Variants in WDPCP observed in about 807,000 individuals in gnomAD.
The protein encoded by WDPCP is WD repeat containing planar cell polarity effector.
Under a neutral mutation model 93.1 loss-of-function variants are expected in WDPCP, and 71 were observed. That is an observed-to-expected ratio of 0.76 (90% CI 0.63 to 0.93). The LOEUF (loss-of-function observed/expected upper bound fraction) is 0.93. Ranked by LOEUF, WDPCP falls within the 40% of genes least tolerant of loss-of-function variation. The pLI is 0.00. For synonymous variants in WDPCP, 315 were observed against 315.0 expected (o/e 1.00, Z 0.00); for missense variants, 844 against 887.4 (o/e 0.95, Z 0.62).
chr2:63,217,723 G>T (rs1398222208), intron 14 of WDPCP, among the ~76,000 whole-genome samples: 1 of 152,126 alleles, frequency 6.6e-6, no homozygotes, highest in Non-Finnish European at 1.5e-5. Context: ...CACATTGATG[G>T]GTTTAGATGA....
At chr2:63,558,590 A>T (rs927891886) in intron 1 of WDPCP, among the ~76,000 whole-genome samples, 1 of 152,120 alleles carries the variant, frequency 6.6e-6, no homozygotes, top group Non-Finnish European at 1.5e-5. Context: ...AGAATAAAAA[A>T]TGATAAAGGG....
chr2:63,627,760 T>C lies in WDPCP; in HGVS notation n.488+22899A>G, dbSNP rs200212515. On this transcript the variant is annotated intron_variant and non_coding_transcript_variant, in intron 3 of 4. Coordinates refer to the WDPCP transcript ENST00000467687. ...CCTTTCCAGCTGAGCACCACTTCCA[T>C]CGGCAATAAAATCCTCTGCATTCAC... Among the ~76,000 whole-genome samples the C allele has an allele frequency of 3.3e-5, 5 of 152,238 alleles. No homozygotes were observed. In the East Asian group the frequency reaches 7.7e-4, roughly 24 times the overall value.
chr2:63,618,671 A>T (rs1187646096), intron 3 of WDPCP, among the ~76,000 whole-genome samples: 1 of 151,456 alleles, frequency 6.6e-6, no homozygotes, highest in African/African-American at 2.4e-5. Flanking sequence ...TGATAGAAGG[A>T]TAGAAGTGGG....
At chr2:63,227,076 A>G (rs975540953) in intron 14 of WDPCP, among the ~76,000 whole-genome samples, 7 of 151,912 alleles carry the variant, frequency 4.6e-5, no homozygotes, top group African/African-American at 1.7e-4. Flanking sequence ...TGTAGAAAAA[A>G]ATTTTCCTAA....
At chr2:63,603,655 C>CTTTTTTTT (rs11297982) in intron 3 of WDPCP, among the ~76,000 whole-genome samples, 2 of 99,112 alleles carry the variant, frequency 2.0e-5, no homozygotes, top group Non-Finnish European at 3.8e-5. Flanking sequence ...CAAGACATTT[C>CTTTTTTTT]TTTTTTTTTT....
intron 15 of WDPCP, among the ~76,000 whole-genome samples, chr2:63,166,692 T>C (rs1020875034): frequency 4.6e-5 from 7 of 152,204 alleles, no homozygotes; most frequent in Non-Finnish European, 8.8e-5. Flanking sequence ...CGTGCCTGGC[T>C]GTACATGAGA....
chr2:63,640,471 G>A lies in WDPCP; in HGVS notation n.488+10188C>T, dbSNP rs529111853. On this transcript the variant is annotated intron_variant and non_coding_transcript_variant, in intron 3 of 4. Transcript: ENST00000467687. ...ATCACATCACTGCACTCCACCCTGG[G>A]CAAAAGAGTGAGACTCTCTGAAAAA... Among the ~76,000 whole-genome samples the A allele has an allele frequency of 3.9e-5, 6 of 152,224 alleles. No homozygotes were observed. The South Asian group carries it at 1.0e-3, about 26-fold the overall frequency.
intron 3 of WDPCP, chr2:63,599,221 T>A: frequency 6.2e-7 from 1 of 1,613,850 alleles, no homozygotes; most frequent in Non-Finnish European, 8.5e-7. Flanking sequence ...TGCTTCCAAG[T>A]CAGCTCCATC....
intron 10 of WDPCP, among the ~76,000 whole-genome samples, chr2:63,395,195 G>T (rs1693614820): frequency 6.6e-6 from 1 of 152,130 alleles, no homozygotes; most frequent in Non-Finnish European, 1.5e-5. Context: ...CCATTTCTAT[G>T]AAATTCTAGA....
chr2:63,205,242 T>C (rs1447844773), intron 14 of WDPCP, among the ~76,000 whole-genome samples: 1 of 152,190 alleles, frequency 6.6e-6, no homozygotes, highest in Non-Finnish European at 1.5e-5. Context: ...TTGGTTACTA[T>C]AGCTCTGTAG....
At chr2:63,451,571 G>A (rs906579311) in intron 6 of WDPCP, among the ~76,000 whole-genome samples, 20 of 152,088 alleles carry the variant, frequency 1.3e-4, no homozygotes, top group Admixed American at 4.6e-4. Flanking sequence ...AGAAAAAGAG[G>A]GAATCCTCCC....
intron 14 of WDPCP, among the ~76,000 whole-genome samples, chr2:63,194,737 A>C (rs1161982009): frequency 6.6e-6 from 1 of 152,146 alleles, no homozygotes. Flanking sequence ...TGATACATTG[A>C]GTTTCAGTGT....
intron 12 of WDPCP, among the ~76,000 whole-genome samples, chr2:63,368,640 A>T (rs80265970): frequency 5.1e-5 from 7 of 138,332 alleles, no homozygotes; most frequent in African/African-American, 8.5e-5. Context: ...TTATTTAATT[A>T]AAAAAAAAAA....
chr2:63,177,228 A>G (rs1484777512), intron 14 of WDPCP, among the ~76,000 whole-genome samples: 3 of 152,308 alleles, frequency 2.0e-5, no homozygotes, highest in African/African-American at 7.2e-5. Flanking sequence ...GCTATTCAGC[A>G]TCTCTTGTGA....
At chr2:63,423,780 A>C (rs1355122825) in intron 9 of WDPCP, among the ~76,000 whole-genome samples, 1 of 152,246 alleles carries the variant, frequency 6.6e-6, no homozygotes, top group African/African-American at 2.4e-5. Flanking sequence ...AAATGAATAA[A>C]ATACTAGTTC....
chr2:63,251,663 T>G (rs1680739393), intron 14 of WDPCP, among the ~76,000 whole-genome samples: 1 of 151,734 alleles, frequency 6.6e-6, no homozygotes, highest in Non-Finnish European at 1.5e-5. Context: ...GGCTAATTTT[T>G]TGTATTTTTA....
rs570619506 is a variant in WDPCP at position 63,552,184 on chromosome 2, T to G, written c.75+36013A>C. Among the ~76,000 whole-genome samples, 6 of 150,068 alleles carry G rather than the reference T, an allele frequency of 4.0e-5. No homozygotes were observed. The East Asian group carries it at 1.2e-3, about 30-fold the overall frequency. On this transcript the variant is annotated intron_variant, in intron 1 of 17. Transcript: ENST00000272321. ...CCCAAAAAAAGTTGTGAAAAGTTAT[T>G]TCACTAGTATCAATATTTACTCTGT...
At chr2:63,630,037 G>A (rs1264188955) in intron 3 of WDPCP, among the ~76,000 whole-genome samples, 2 of 152,170 alleles carry the variant, frequency 1.3e-5, no homozygotes, top group Non-Finnish European at 2.9e-5. Flanking sequence ...ATGCTTCAAT[G>A]AGAAATTATG....
intron 3 of WDPCP, among the ~76,000 whole-genome samples, chr2:63,637,287 G>T (rs1709930330): frequency 1.3e-5 from 2 of 151,754 alleles, no homozygotes; most frequent in Non-Finnish European, 2.9e-5. Flanking sequence ...GGGAGATGGG[G>T]GTTGCAGTGA....
Sources: allele counts gnomAD v4.1 joint callset (sites outside exome capture counted in the v4.1 genomes callset), GRCh38; gene constraint gnomAD v4.1.1; transcripts MANE v1.5; gene names NCBI Gene and HGNC (gene_info 2026-07-23, HGNC 2026-07-21).